Variants in FNDC3B observed in about 807,000 individuals in gnomAD.
FNDC3B encodes the protein fibronectin type III domain-containing protein 3B.
Under a neutral mutation model 151.5 loss-of-function variants are expected in FNDC3B, and 12 were observed. The ratio of observed to expected loss-of-function variants is 0.08; its 90% CI spans 0.05 to 0.13. FNDC3B has a LOEUF of 0.13. Ranked by LOEUF, FNDC3B falls within the 10% of genes least tolerant of loss-of-function variation. The pLI is 1.00. For synonymous variants in FNDC3B, 528 were observed against 549.0 expected (o/e 0.96, Z 0.54); for missense variants, 1,214 against 1,505.3 (o/e 0.81, Z 3.20).
chr3:172,327,705 G>C (rs1732430422), intron 11 of FNDC3B, among the ~76,000 whole-genome samples: 1 of 152,210 alleles, frequency 6.6e-6, no homozygotes, highest in Non-Finnish European at 1.5e-5. Flanking sequence ...CGCCCGGCCA[G>C]TGTGGTTGTT....
chr3:172,121,531 T>G (rs1210662061), intron 2 of FNDC3B, among the ~76,000 whole-genome samples: 1 of 152,250 alleles, frequency 6.6e-6, no homozygotes, highest in East Asian at 1.9e-4. Context: ...GTTTTACTGT[T>G]TACAGTCTAG....
At chr3:172,100,364 A>G (rs1008125855) in intron 1 of FNDC3B, among the ~76,000 whole-genome samples, 3 of 152,190 alleles carry the variant, frequency 2.0e-5, no homozygotes, top group Non-Finnish European at 4.4e-5. Context: ...GCTTTCAAAC[A>G]CTGAAATTCA....
chr3:172,042,255 T>C (rs1405045731), intron 1 of FNDC3B, among the ~76,000 whole-genome samples: 1 of 152,218 alleles, frequency 6.6e-6, no homozygotes, highest in Non-Finnish European at 1.5e-5. Flanking sequence ...ATGGGTTATA[T>C]TGGAGAGCCA....
chr3:172,295,836 G>A (rs1730576203), intron 8 of FNDC3B, among the ~76,000 whole-genome samples: 1 of 152,172 alleles, frequency 6.6e-6, no homozygotes, highest in Non-Finnish European at 1.5e-5. Context: ...TACATTGGGC[G>A]ATTATAAGGT....
chr3:172,174,883 T>C (rs1256537401), intron 3 of FNDC3B, among the ~76,000 whole-genome samples: 20 of 147,338 alleles, frequency 1.4e-4, no homozygotes, highest in African/African-American at 4.5e-4. Context: ...TCATACATGC[T>C]TTAGCCAAAT....
chr3:172,354,948 C>A (rs1353215015), intron 22 of FNDC3B, among the ~76,000 whole-genome samples: 1 of 150,878 alleles, frequency 6.6e-6, no homozygotes, highest in East Asian at 1.9e-4. Context: ...GTTGCCAGGA[C>A]AGGGTTGTAC....
intron 3 of FNDC3B, among the ~76,000 whole-genome samples, chr3:172,137,124 C>T (rs1172283828): frequency 1.3e-5 from 2 of 152,142 alleles, no homozygotes; most frequent in Non-Finnish European, 2.9e-5. Context: ...GCTATTTTAA[C>T]ACCAGCCTTC....
chr3:172,145,498 G>C (rs958322422), intron 3 of FNDC3B, among the ~76,000 whole-genome samples: 2 of 152,168 alleles, frequency 1.3e-5, no homozygotes, highest in Non-Finnish European at 2.9e-5. Context: ...TTGAAGTGCT[G>C]AGTCTTCAAC....
chr3:172,280,028 C>A (rs749198876), intron 6 of FNDC3B, among the ~76,000 whole-genome samples: 1 of 152,162 alleles, frequency 6.6e-6, no homozygotes, highest in African/African-American at 2.4e-5. Flanking sequence ...GATCCTCCCA[C>A]CTCAGCCTCC....
chr3:172,240,966 T>G (rs554360694), intron 4 of FNDC3B, among the ~76,000 whole-genome samples: 1 of 152,210 alleles, frequency 6.6e-6, no homozygotes, highest in South Asian at 2.1e-4. Flanking sequence ...GGCCACAGGA[T>G]AGCAAGAATA....
At chr3:172,051,552 G>T (rs145975896) in intron 1 of FNDC3B, among the ~76,000 whole-genome samples, 197 of 152,244 alleles carry the variant, frequency 1.3e-3, no homozygotes, top group African/African-American at 4.2e-3. Context: ...GGGACTCAAG[G>T]GGAAAGGTTG....
At chr3:172,380,910 G>C (rs1252413822) in intron 24 of FNDC3B, 56 bp from the exon 25 acceptor site, 1 of 1,586,472 alleles carries the variant, frequency 6.3e-7, no homozygotes, top group African/African-American at 1.3e-5. Context: ...CTAAAGTGTT[G>C]ACTATTAACA....
At chr3:172,213,694 A>G (rs1464750536) in intron 3 of FNDC3B, among the ~76,000 whole-genome samples, 1 of 152,152 alleles carries the variant, frequency 6.6e-6, no homozygotes, top group Non-Finnish European at 1.5e-5. Context: ...ATTCTTACCT[A>G]TCCTAATACG....
intron 5 of FNDC3B, among the ~76,000 whole-genome samples, chr3:172,248,914 T>A (rs1727926085): frequency 6.6e-6 from 1 of 151,772 alleles, no homozygotes. Flanking sequence ...TTCAAATTAA[T>A]CAGGTGCTTT....
chr3:172,142,802 G>A (rs1721694960), intron 3 of FNDC3B, among the ~76,000 whole-genome samples: 1 of 152,172 alleles, frequency 6.6e-6, no homozygotes, highest in Non-Finnish European at 1.5e-5. Context: ...GAGACCGGGT[G>A]GCTTATTAAC....
At chr3:172,068,085 ATCCCATTC>A (rs1717587352) in intron 1 of FNDC3B, among the ~76,000 whole-genome samples, 1 of 152,082 alleles carries the variant, frequency 6.6e-6, no homozygotes, top group Non-Finnish European at 1.5e-5. Context: ...ATCCTGGTGG[ATCCCATTC>A]TGTAGCCCCT....
At chr3:172,159,516 C>CTAT (rs1204912151) in intron 3 of FNDC3B, among the ~76,000 whole-genome samples, 14 of 152,212 alleles carry the variant, frequency 9.2e-5, no homozygotes, top group Admixed American at 9.2e-4. Context: ...AAACTAGTGC[C>CTAT]TATAACCAAG....
chr3:172,150,801 T>C (rs1052526290), intron 3 of FNDC3B, among the ~76,000 whole-genome samples: 2 of 152,160 alleles, frequency 1.3e-5, no homozygotes, highest in Admixed American at 1.3e-4. Context: ...GATACAGGCA[T>C]GCAATGTGAA....
At chr3:172,259,239 AATAACT>A (rs1378065302) in intron 6 of FNDC3B, among the ~76,000 whole-genome samples, 1 of 152,182 alleles carries the variant, frequency 6.6e-6, no homozygotes, top group Non-Finnish European at 1.5e-5. Context: ...AACAAGCCCA[AATAACT>A]TTTATTTTTT....
Sources: allele counts gnomAD v4.1 joint callset (sites outside exome capture counted in the v4.1 genomes callset), GRCh38; gene constraint gnomAD v4.1.1; transcripts MANE v1.5; gene names NCBI Gene and HGNC (gene_info 2026-07-23, HGNC 2026-07-21).